The following SORCS2 variants were observed in gnomAD, a reference collection of about 807,000 sequenced individuals.
SORCS2 encodes sortilin related VPS10 domain containing receptor 2.
A neutral mutation model predicts 141.6 loss-of-function variants in SORCS2; 100 were observed. The observed-to-expected ratio is 0.71, with a 90% CI of 0.60 to 0.83. The LOEUF (loss-of-function observed/expected upper bound fraction) is 0.83. Ranked by LOEUF, SORCS2 falls within the 40% of genes least tolerant of loss-of-function variation. The probability of loss-of-function intolerance (pLI) is 0.00; values close to 1 mark genes in which losing one functional copy is unlikely to be tolerated. For synonymous variants in SORCS2, 789 were observed against 676.9 expected (o/e 1.17, Z -2.57); for missense variants, 1,646 against 1,560.2 (o/e 1.05, Z -0.93).
intron 1 of SORCS2, among the ~76,000 whole-genome samples, chr4:7,280,247 A>T (rs1252008811): frequency 6.6e-6 from 1 of 152,040 alleles, no homozygotes; most frequent in Non-Finnish European, 1.5e-5. Flanking sequence ...AGGAAATCAC[A>T]CGTGGATTTC....
intron 3 of SORCS2, among the ~76,000 whole-genome samples, chr4:7,632,730 G>A (rs1719977207): frequency 6.6e-6 from 1 of 152,162 alleles, no homozygotes; most frequent in Non-Finnish European, 1.5e-5. Context: ...CCCATTCATT[G>A]GGATCACGGT....
chr4:7,502,957 C>G (rs997639707), intron 2 of SORCS2, among the ~76,000 whole-genome samples: 2 of 152,236 alleles, frequency 1.3e-5, no homozygotes, highest in Non-Finnish European at 2.9e-5. Context: ...AAGAATCTGT[C>G]TACTCCTTTA....
At chr4:7,465,611 G>GT (rs1292881796) in intron 2 of SORCS2, among the ~76,000 whole-genome samples, 1 of 152,144 alleles carries the variant, frequency 6.6e-6, no homozygotes, top group Non-Finnish European at 1.5e-5. Context: ...TTTTAAGTTC[G>GT]TTTTTTCTCC....
chr4:7,714,460 G>A, intron 16 of SORCS2, 87 bp downstream of exon 16: 5 of 1,404,356 alleles, frequency 3.6e-6, no homozygotes, highest in Non-Finnish European at 4.8e-6. Flanking sequence ...GAGTGAGGGA[G>A]GAAGCCTCAG....
intron 1 of SORCS2, among the ~76,000 whole-genome samples, chr4:7,287,485 G>A (rs1001403888): frequency 6.6e-6 from 1 of 152,246 alleles, no homozygotes; most frequent in South Asian, 2.1e-4. Context: ...GGATGGGTGG[G>A]GAGACGGGAA....
chr4:7,281,692 G>A (rs907105751), intron 1 of SORCS2, among the ~76,000 whole-genome samples: 3 of 152,176 alleles, frequency 2.0e-5, no homozygotes, highest in Non-Finnish European at 4.4e-5. Flanking sequence ...TAGCCTTGAT[G>A]GCAGCCTGGG....
intron 1 of SORCS2, among the ~76,000 whole-genome samples, chr4:7,262,931 G>T (rs972576): frequency 3.1e-4 from 47 of 152,102 alleles, no homozygotes; most frequent in Non-Finnish European, 3.8e-4. Context: ...GGGACCTCGT[G>T]GTCCAGGTTT....
chr4:7,502,656 G>A (rs1732041235), intron 2 of SORCS2, among the ~76,000 whole-genome samples: 2 of 152,208 alleles, frequency 1.3e-5, no homozygotes, highest in Admixed American at 1.3e-4. Flanking sequence ...GTACACGTGA[G>A]ATGCAGAGAA....
At chr4:7,596,534 T>C (rs575421220) in intron 3 of SORCS2, among the ~76,000 whole-genome samples, 2 of 152,326 alleles carry the variant, frequency 1.3e-5, no homozygotes, top group South Asian at 4.1e-4. Context: ...TAGAAGAAAC[T>C]GTTCTTTCAA....
chr4:7,368,068 G>A (rs1270060371), intron 1 of SORCS2, among the ~76,000 whole-genome samples: 1 of 152,136 alleles, frequency 6.6e-6, no homozygotes, highest in East Asian at 1.9e-4. Context: ...TTTTACAGAG[G>A]ACTTACCACC....
intron 2 of SORCS2, among the ~76,000 whole-genome samples, chr4:7,459,476 C>G (rs180937299): frequency 2.6e-5 from 4 of 152,276 alleles, no homozygotes; most frequent in African/African-American, 9.6e-5. Context: ...TTCAGTTCCT[C>G]TCTCCCAGGT....
intron 8 of SORCS2, among the ~76,000 whole-genome samples, chr4:7,675,079 C>T (rs1243912912): frequency 6.6e-6 from 1 of 152,222 alleles, no homozygotes; most frequent in Non-Finnish European, 1.5e-5. Flanking sequence ...TGTCTGGACC[C>T]TTTTACTCTT....
chr4:7,410,510 CT>C (rs1725235042), intron 2 of SORCS2, among the ~76,000 whole-genome samples: 1 of 152,142 alleles, frequency 6.6e-6, no homozygotes, highest in African/African-American at 2.4e-5. Flanking sequence ...CATTGTAGAC[CT>C]CATGGGCTCT....
chr4:7,476,639 G>A (rs1181037436), intron 2 of SORCS2, among the ~76,000 whole-genome samples: 1 of 152,162 alleles, frequency 6.6e-6, no homozygotes, highest in African/African-American at 2.4e-5. Context: ...GCCCCCAAGA[G>A]GAACAGCACT....
chr4:7,365,244 G>A (rs1318918712), intron 1 of SORCS2, among the ~76,000 whole-genome samples: 1 of 152,234 alleles, frequency 6.6e-6, no homozygotes, highest in Non-Finnish European at 1.5e-5. Flanking sequence ...CATGGAGGAT[G>A]GAGGAAGGAG....
chr4:7,501,061 G>A (rs541500611), intron 2 of SORCS2, among the ~76,000 whole-genome samples: 16 of 152,304 alleles, frequency 1.1e-4, no homozygotes, highest in African/African-American at 3.4e-4. Flanking sequence ...TTGGGACCGT[G>A]AGCCCTGGAA....
chr4:7,535,741 C>G (rs1712066712), intron 3 of SORCS2, among the ~76,000 whole-genome samples: 1 of 152,228 alleles, frequency 6.6e-6, no homozygotes, highest in Non-Finnish European at 1.5e-5. Context: ...ACGTGTGGCC[C>G]CAGTGGGCTG....
chr4:7,402,022 C>T (rs540830134), intron 2 of SORCS2, among the ~76,000 whole-genome samples: 36 of 152,286 alleles, frequency 2.4e-4, no homozygotes, highest in African/African-American at 7.5e-4. Context: ...GCCTTCTTCC[C>T]GGCCTCCCCT....
intron 23 of SORCS2, among the ~76,000 whole-genome samples, chr4:7,730,289 A>C (rs1263152587): frequency 6.6e-6 from 1 of 152,336 alleles, no homozygotes; most frequent in East Asian, 1.9e-4. Flanking sequence ...TTGCCAAGGA[A>C]GCAGAGAACT....
Sources: allele counts gnomAD v4.1 joint callset (sites outside exome capture counted in the v4.1 genomes callset), GRCh38; gene constraint gnomAD v4.1.1; transcripts MANE v1.5; gene names NCBI Gene and HGNC (gene_info 2026-07-23, HGNC 2026-07-21).